The following COL25A1 variants were observed in gnomAD, a reference collection of about 807,000 sequenced individuals.
The protein encoded by COL25A1 is collagen alpha-1(XXV) chain.
A neutral mutation model predicts 128.4 loss-of-function variants in COL25A1; 103 were observed. The ratio of observed to expected loss-of-function variants is 0.80; its 90% CI spans 0.68 to 0.94. The LOEUF is 0.94. Ranked by LOEUF, COL25A1 falls within the 40% of genes least tolerant of loss-of-function variation. COL25A1 has a pLI of 0.00. For missense variants in COL25A1, 745 were observed against 840.0 expected, an observed-to-expected ratio of 0.89 and a Z score of 1.40; for synonymous variants, 279 against 277.2, an observed-to-expected ratio of 1.01 and a Z score of -0.06.
intron 3 of COL25A1, among the ~76,000 whole-genome samples, chr4:109,068,362 T>C (rs960480526): frequency 6.6e-6 from 1 of 151,532 alleles, no homozygotes; most frequent in Admixed American, 6.6e-5. Flanking sequence ...AGATTTACCA[T>C]TTTTGACAGC....
intron 3 of COL25A1, among the ~76,000 whole-genome samples, chr4:109,122,618 T>C (rs1768207930): frequency 6.6e-6 from 1 of 152,074 alleles, no homozygotes; most frequent in Non-Finnish European, 1.5e-5. Context: ...AAGTTATACC[T>C]TATAGCAACT....
At chr4:109,301,309 T>G (rs1197344989) in intron 2 of COL25A1, among the ~76,000 whole-genome samples, 5 of 152,204 alleles carry the variant, frequency 3.3e-5, no homozygotes, top group Non-Finnish European at 7.3e-5. Context: ...TTAAGAGTGA[T>G]TACCTTTTTT....
At chr4:109,257,472 C>T (rs1180437641) in intron 3 of COL25A1, among the ~76,000 whole-genome samples, 1 of 152,114 alleles carries the variant, frequency 6.6e-6, no homozygotes, top group Non-Finnish European at 1.5e-5. Context: ...GCAGAGTTCC[C>T]ATCAGGAAAG....
chr4:108,869,189 ACAAT>A (rs2125808794), intron 19 of COL25A1, 39 bp from the exon 20 acceptor site: 1 of 801,222 alleles, frequency 1.2e-6, no homozygotes. Context: ...TAATCATTTG[ACAAT>A]AAATAAATAA....
At chr4:108,819,415 A>C in intron 35 of COL25A1, 86 bp from the exon 36 acceptor site, 24 of 1,100,942 alleles carry the variant, frequency 2.2e-5, no homozygotes, top group Non-Finnish European at 2.8e-5. Context: ...TACAACAACA[A>C]AGGCTGGGAG....
intron 3 of COL25A1, among the ~76,000 whole-genome samples, chr4:109,111,052 T>G (rs546663393): frequency 2.0e-5 from 3 of 152,346 alleles, no homozygotes; most frequent in South Asian, 4.1e-4. Context: ...GTGTGGCACA[T>G]GAGGCCCTTC....
intron 8 of COL25A1, among the ~76,000 whole-genome samples, chr4:108,971,378 G>C (rs187306561): frequency 6.6e-6 from 1 of 152,136 alleles, no homozygotes; most frequent in Non-Finnish European, 1.5e-5. Flanking sequence ...AGGGAGGGGG[G>C]CATACTTTAT....
chr4:108,827,014 T>C (rs1732472650), intron 33 of COL25A1, 121 bp downstream of exon 33: 6 of 813,040 alleles, frequency 7.4e-6, no homozygotes, highest in Non-Finnish European at 1.0e-5. Context: ...TTATAGATAA[T>C]GAGTGGATTG....
At chr4:109,045,472 C>G (rs1760345798) in intron 5 of COL25A1, among the ~76,000 whole-genome samples, 1 of 152,098 alleles carries the variant, frequency 6.6e-6, no homozygotes, top group Admixed American at 6.6e-5. Flanking sequence ...TCCCATTGTT[C>G]ATTAATATTT....
intron 3 of COL25A1, among the ~76,000 whole-genome samples, chr4:109,083,531 C>T (rs1228880983): frequency 8.4e-5 from 11 of 131,282 alleles, no homozygotes; most frequent in African/African-American, 2.9e-4. Context: ...GGCGCGATCT[C>T]GACTCACTGC....
intron 11 of COL25A1, among the ~76,000 whole-genome samples, chr4:108,937,414 T>G (rs1469412479): frequency 1.3e-5 from 2 of 152,126 alleles, no homozygotes; most frequent in Admixed American, 6.5e-5. Flanking sequence ...GTAGAAAAAT[T>G]CTGAATCACT....
chr4:108,834,908 A>G (rs570277168), intron 31 of COL25A1, among the ~76,000 whole-genome samples: 2 of 152,308 alleles, frequency 1.3e-5, no homozygotes, highest in Admixed American at 1.3e-4. Context: ...ACATGTTAGG[A>G]TGACTCTTAG....
intron 3 of COL25A1, among the ~76,000 whole-genome samples, chr4:109,090,230 T>G (rs1764775450): frequency 6.6e-6 from 1 of 152,238 alleles, no homozygotes; most frequent in Non-Finnish European, 1.5e-5. Flanking sequence ...CACACGGAAC[T>G]GATAGTTTTA....
intron 3 of COL25A1, among the ~76,000 whole-genome samples, chr4:109,235,528 A>T (rs1779413079): frequency 7.4e-6 from 1 of 135,664 alleles, no homozygotes; most frequent in African/African-American, 3.0e-5. Flanking sequence ...CCCCCAACAA[A>T]CATACACCCA....
At chr4:109,169,567 A>T (rs536396772) in intron 3 of COL25A1, among the ~76,000 whole-genome samples, 1 of 152,168 alleles carries the variant, frequency 6.6e-6, no homozygotes, top group African/African-American at 2.4e-5. Context: ...GATTTTTCTT[A>T]AGACATATTC....
intron 3 of COL25A1, among the ~76,000 whole-genome samples, chr4:109,256,227 T>A (rs1468568930): frequency 6.6e-6 from 1 of 152,074 alleles, no homozygotes; most frequent in African/African-American, 2.4e-5. Flanking sequence ...TTAAACTTGA[T>A]CAATAGTTAA....
intron 18 of COL25A1, 109 bp from the exon 19 acceptor site, chr4:108,884,331 A>G (rs1222803799): frequency 8.0e-6 from 8 of 1,000,164 alleles, no homozygotes; most frequent in Non-Finnish European, 1.2e-5. Flanking sequence ...AAAGATAAAT[A>G]AAAAAACCGT....
At chr4:109,259,029 A>T (rs993931937) in intron 3 of COL25A1, among the ~76,000 whole-genome samples, 1 of 152,150 alleles carries the variant, frequency 6.6e-6, no homozygotes, top group Non-Finnish European at 1.5e-5. Flanking sequence ...ATTATGTCAA[A>T]GTTTACAAAT....
intron 6 of COL25A1, among the ~76,000 whole-genome samples, chr4:109,001,825 G>T (rs1482140130): frequency 6.6e-6 from 1 of 152,174 alleles, no homozygotes. Context: ...GTCATCCTTG[G>T]AAGGGATGGG....
Sources: gnomAD v4.1 joint callset for allele counts (sites outside exome capture counted in the v4.1 genomes callset) on GRCh38, gnomAD v4.1.1 for gene constraint, MANE v1.5 for transcripts, NCBI Gene and HGNC (gene_info 2026-07-23, HGNC 2026-07-21) for gene names.